The following CCDC13 variants were observed in gnomAD, a reference collection of about 807,000 sequenced individuals.
CCDC13 encodes the protein coiled-coil domain-containing protein 13.
CCDC13 carries 70 observed loss-of-function variants against 87.3 expected under a neutral mutation model. That is an observed-to-expected ratio of 0.80 (90% CI 0.66 to 0.98). The LOEUF (loss-of-function observed/expected upper bound fraction) is 0.98, where lower values mean the gene tolerates loss of function less well. CCDC13 is among the 50% of genes least tolerant of loss of function. The pLI, the probability that CCDC13 is intolerant of heterozygous loss-of-function variation, is 0.00. For missense variants in CCDC13, 842 were observed against 892.0 expected, an observed-to-expected ratio of 0.94 and a Z score of 0.71; for synonymous variants, 317 against 360.3, an observed-to-expected ratio of 0.88 and a Z score of 1.36.
chr3:42,740,363 C>T (rs1045929709), intron 8 of CCDC13, among the ~76,000 whole-genome samples: 3 of 152,142 alleles, frequency 2.0e-5, no homozygotes, highest in Admixed American at 1.3e-4. Context: ...CACACATCTT[C>T]GGAGTCTCTC....
At chr3:42,733,651 C>T (rs753232458) in intron 10 of CCDC13, 42 bp from the exon 11 acceptor site, 1 of 1,559,874 alleles carries the variant, frequency 6.4e-7, no homozygotes, top group Non-Finnish European at 8.7e-7. Context: ...GGCTTTGGCT[C>T]AGAGGCCTAG....
At position 42,747,562 on chromosome 3, in the gene CCDC13, G is replaced by A. The variant is rs564308438; in HGVS notation, c.604-189C>T. The stretch of plus-strand genomic sequence containing the variant: ...AGCCCCTTATAGATGCAAAATGGAG[G>A]GTGGTGGAAGGTAAGTCCTCTACTT... On this transcript the variant is annotated intron_variant, in intron 5 of 15. Coordinates refer to ENST00000310232, the MANE Select transcript of CCDC13 (RefSeq NM_144719.4). Among the ~76,000 whole-genome samples the A allele has an allele frequency of 2.6e-5, 4 of 152,336 alleles. No homozygotes were observed. In the South Asian group the frequency reaches 6.2e-4, roughly 24 times the overall value.
At chr3:42,771,992 C>G (rs1700127619) in intron 1 of CCDC13, among the ~76,000 whole-genome samples, 1 of 151,934 alleles carries the variant, frequency 6.6e-6, no homozygotes, top group Non-Finnish European at 1.5e-5. Flanking sequence ...AAAGGCTAAG[C>G]CGGGCGTGGT....
Position 42,743,056 on chromosome 3 carries a change from A to C in CCDC13, c.827T>G (p.Val276Gly). 1 of 1,613,902 alleles carries C rather than the reference A, an allele frequency of 6.2e-7. No individual in the cohort carries two copies. The highest frequency in any genetic ancestry group is 8.5e-7 in the Non-Finnish European group (1 of 1,179,934). ...AQQILVLQSK[V>G]QELEKQLGQA... Reference sequence around the variant, plus strand: ...GCCCAATTGCTTCTCAAGCTCTTGAACCTGAGGATGGTAAAACTCGTCGTT... The same window carrying C: ...GCCCAATTGCTTCTCAAGCTCTTGACCCTGAGGATGGTAAAACTCGTCGTT... The change falls in exon 8 of 16, where the codon GTT becomes GGT. Residue 276 changes from valine (V) to glycine (G), a missense_variant and splice_region_variant. Coordinates refer to ENST00000310232, the MANE Select transcript of CCDC13 (RefSeq NM_144719.4).
chr3:42,742,132 C>A (rs1322227451), intron 8 of CCDC13, among the ~76,000 whole-genome samples: 2 of 152,214 alleles, frequency 1.3e-5, no homozygotes, highest in Admixed American at 6.5e-5. Flanking sequence ...TCCCCTCAAA[C>A]CTTGGGGCAG....
chr3:42,771,220 T>C (rs187186232), intron 1 of CCDC13: 3 of 152,338 alleles, frequency 2.0e-5, no homozygotes, highest in Admixed American at 1.3e-4. Context: ...GGCTACATGC[T>C]GTATAATTGC....
chr3:42,723,822 T>C (rs1270299905), intron 13 of CCDC13, among the ~76,000 whole-genome samples: 1 of 151,992 alleles, frequency 6.6e-6, no homozygotes, highest in Non-Finnish European at 1.5e-5. Flanking sequence ...GAATGGTAAA[T>C]AAATAACAGT....
intron 13 of CCDC13, chr3:42,718,266 CT>C (rs1416796456): frequency 6.6e-6 from 1 of 152,180 alleles, no homozygotes; most frequent in Non-Finnish European, 1.5e-5. Context: ...AAAGTGACCT[CT>C]GGATGTCCTC....
At chr3:42,769,972 G>A (rs1259079370) in intron 1 of CCDC13, among the ~76,000 whole-genome samples, 6 of 152,340 alleles carry the variant, frequency 3.9e-5, no homozygotes, top group South Asian at 2.1e-4. Context: ...GCTCCTGCGC[G>A]CCCCAGCCTC....
chr3:42,729,812 T>G (rs1201931528), intron 13 of CCDC13, among the ~76,000 whole-genome samples: 3 of 152,264 alleles, frequency 2.0e-5, no homozygotes, highest in Non-Finnish European at 4.4e-5. Context: ...CCTTGACTGA[T>G]ACATGATATA....
chr3:42,739,335 G>A (rs1485255982), intron 9 of CCDC13, among the ~76,000 whole-genome samples: 1 of 152,156 alleles, frequency 6.6e-6, no homozygotes, highest in Non-Finnish European at 1.5e-5. Flanking sequence ...AAATAACCCA[G>A]GGTATAATCC....
At chr3:42,704,771 G>A (rs1383018773), downstream of CCDC13, 1 of 152,512 alleles carries the variant, frequency 6.6e-6, no homozygotes, top group Admixed American at 6.5e-5. Context: ...CAGCCCACGT[G>A]AGGGACAGGA....
Position 42,730,450 on chromosome 3 carries a change from T to C in CCDC13, c.1718+17A>G, listed in dbSNP as rs752399047. On this transcript the variant is annotated intron_variant, in intron 13 of 15. Coordinates refer to ENST00000310232, the MANE Select transcript of CCDC13 (RefSeq NM_144719.4). ...CATGCAGGCCTATGGGAGAGATCCC[T>C]GGGTGCCATGTGTTACCGTTTCTGC... 1 of 1,610,698 alleles carries C rather than the reference T, an allele frequency of 6.2e-7. No homozygotes were observed. The highest frequency in any genetic ancestry group is 1.1e-5 in the South Asian group (1 of 90,976).
chr3:42,713,347 GC>G, intron 13 of CCDC13, 31 bp from the exon 14 acceptor site: 1 of 1,609,712 alleles, frequency 6.2e-7, no homozygotes, highest in Middle Eastern at 1.7e-4. Flanking sequence ...GATGCTACAT[GC>G]CCTGGCAGGC....
chr3:42,743,252 A>G lies in CCDC13; in HGVS notation c.826-195T>C, dbSNP rs560132749. On this transcript the variant is annotated intron_variant, in intron 7 of 15. Coordinates refer to ENST00000310232, the MANE Select transcript of CCDC13 (RefSeq NM_144719.4). ...GAGCAACACATTGGAAGACACCAGG[A>G]AAGTTCAGCTTAGAAAAATGGTGAA... Among the ~76,000 whole-genome samples the G allele has an allele frequency of 7.2e-5, 11 of 152,214 alleles. No homozygotes were observed. The East Asian group carries it at 1.9e-3, about 27-fold the overall frequency.
intron 1 of CCDC13, among the ~76,000 whole-genome samples, chr3:42,766,636 C>A (rs1312447402): frequency 6.7e-6 from 1 of 149,342 alleles, no homozygotes; most frequent in East Asian, 1.9e-4. Flanking sequence ...ACCAACCAAC[C>A]AAACAAACAA....
chr3:42,725,104 G>A (rs1164565131), intron 13 of CCDC13, among the ~76,000 whole-genome samples: 1 of 152,146 alleles, frequency 6.6e-6, no homozygotes, highest in Non-Finnish European at 1.5e-5. Flanking sequence ...TCATAGCAAA[G>A]CAGATAAAAA....
chr3:42,713,618 T>C (rs1469852319), intron 13 of CCDC13, among the ~76,000 whole-genome samples: 1 of 152,242 alleles, frequency 6.6e-6, no homozygotes, highest in African/African-American at 2.4e-5. Flanking sequence ...TTTCTACAGA[T>C]GCTTATGTTG....
At chr3:42,704,474 G>C (rs1026071189), downstream of CCDC13, 1 of 152,284 alleles carries the variant, frequency 6.6e-6, no homozygotes, top group African/African-American at 2.4e-5. Context: ...GGGGTGGCAG[G>C]GGGCATCCGG....
Sources: allele counts gnomAD v4.1 joint callset (sites outside exome capture counted in the v4.1 genomes callset), GRCh38; gene constraint gnomAD v4.1.1; transcripts MANE v1.5; gene names NCBI Gene and HGNC (gene_info 2026-07-23, HGNC 2026-07-21).